DGKI: variants seen among roughly 807,000 people sequenced by gnomAD.
The protein encoded by DGKI is DAG kinase iota.
In DGKI, 55 loss-of-function variants were observed where a neutral mutation model predicts 147.5. The ratio of observed to expected loss-of-function variants is 0.37; its 90% CI spans 0.30 to 0.47. The LOEUF is 0.47. DGKI is among the 20% of genes least tolerant of loss of function. The pLI, the probability that DGKI is intolerant of heterozygous loss-of-function variation, is 1.00. For missense variants in DGKI, 1,007 were observed against 1,323.8 expected, an observed-to-expected ratio of 0.76 and a Z score of 3.71; for synonymous variants, 469 against 477.1, an observed-to-expected ratio of 0.98 and a Z score of 0.22.
chr7:137,510,304 C>A (rs1158096812), intron 21 of DGKI, among the ~76,000 whole-genome samples: 1 of 152,194 alleles, frequency 6.6e-6, no homozygotes, highest in Non-Finnish European at 1.5e-5. Context: ...AGTACTAGTA[C>A]AACAAGATGA....
At chr7:137,411,443 G>C (rs1238497727) in intron 29 of DGKI, among the ~76,000 whole-genome samples, 1 of 152,176 alleles carries the variant, frequency 6.6e-6, no homozygotes, top group Non-Finnish European at 1.5e-5. Flanking sequence ...AATAGGAACA[G>C]TCTTGAGAGC....
At chr7:137,591,877 GA>G (rs1819629861) in intron 12 of DGKI, among the ~76,000 whole-genome samples, 1 of 152,144 alleles carries the variant, frequency 6.6e-6, no homozygotes, top group Non-Finnish European at 1.5e-5. Context: ...GTTGAGCCCT[GA>G]GTTTGCAAAT....
chr7:137,492,422 T>C (rs901514939), intron 21 of DGKI, among the ~76,000 whole-genome samples: 1 of 152,072 alleles, frequency 6.6e-6, no homozygotes, highest in African/African-American at 2.4e-5. Flanking sequence ...ACACAGATGC[T>C]GGGTTTAAGG....
At chr7:137,726,350 C>A (rs529352767) in intron 1 of DGKI, among the ~76,000 whole-genome samples, 2 of 152,170 alleles carry the variant, frequency 1.3e-5, no homozygotes, top group Non-Finnish European at 2.9e-5. Context: ...TGCTTCTGAT[C>A]GATTTCTCCT....
intron 23 of DGKI, among the ~76,000 whole-genome samples, chr7:137,480,532 A>C (rs1486094590): frequency 1.3e-5 from 2 of 152,176 alleles, no homozygotes; most frequent in East Asian, 1.9e-4. Flanking sequence ...AAGAGCAGGC[A>C]TGTAGGAACA....
At chr7:137,609,174 G>A (rs1032515459) in intron 9 of DGKI, 110 bp from the exon 10 acceptor site, 7 of 766,248 alleles carry the variant, frequency 9.1e-6, no homozygotes, top group African/African-American at 1.8e-5. Context: ...TCCCAGGGCT[G>A]ACTCTTAACA....
At chr7:137,778,488 C>T (rs1796428364) in intron 1 of DGKI, among the ~76,000 whole-genome samples, 1 of 151,926 alleles carries the variant, frequency 6.6e-6, no homozygotes, top group Non-Finnish European at 1.5e-5. Flanking sequence ...AGGTGTGTTA[C>T]AGGGAGATGA....
chr7:137,760,073 C>G (rs1481638605), intron 1 of DGKI, among the ~76,000 whole-genome samples: 1 of 152,152 alleles, frequency 6.6e-6, no homozygotes, highest in African/African-American at 2.4e-5. Context: ...CCTCCTAATC[C>G]TCTTCTGTGC....
At chr7:137,472,475 CAT>C (rs1265092523) in intron 23 of DGKI, among the ~76,000 whole-genome samples, 1 of 138,770 alleles carries the variant, frequency 7.2e-6, no homozygotes, top group African/African-American at 2.7e-5. Context: ...GTTATATATA[CAT>C]ATATATTATA....
intron 6 of DGKI, among the ~76,000 whole-genome samples, chr7:137,635,536 C>A (rs1023750870): frequency 2.0e-5 from 3 of 152,166 alleles, no homozygotes; most frequent in African/African-American, 7.2e-5. Context: ...GGATCCTGCA[C>A]AACATTGTGT....
intron 7 of DGKI, 95 bp from the exon 8 acceptor site, chr7:137,620,035 A>G (rs1820689494): frequency 8.0e-6 from 6 of 750,832 alleles, no homozygotes; most frequent in African/African-American, 5.2e-5. Context: ...ACACACACAC[A>G]CACACACACA....
chr7:137,685,240 G>A (rs1297574156), intron 2 of DGKI, among the ~76,000 whole-genome samples: 3 of 152,142 alleles, frequency 2.0e-5, no homozygotes, highest in Non-Finnish European at 4.4e-5. Context: ...TCTTGGGACC[G>A]AAGAAAGTTT....
At chr7:137,518,812 C>T (rs1816866326) in intron 21 of DGKI, among the ~76,000 whole-genome samples, 3 of 151,966 alleles carry the variant, frequency 2.0e-5, no homozygotes, top group African/African-American at 7.2e-5. Flanking sequence ...AGAAATACAA[C>T]AGATTTTTAA....
intron 22 of DGKI, 65 bp downstream of exon 22, chr7:137,487,545 T>C (rs1469218445): frequency 8.1e-6 from 11 of 1,361,726 alleles, no homozygotes; most frequent in Non-Finnish European, 1.2e-5. Context: ...CAAATATATA[T>C]GGCTGGTAAT....
intron 21 of DGKI, among the ~76,000 whole-genome samples, chr7:137,495,299 A>G (rs1219499164): frequency 1.3e-5 from 2 of 151,888 alleles, no homozygotes; most frequent in East Asian, 3.9e-4. Context: ...AATCAGTAAT[A>G]AAAAGCCTAC....
intron 1 of DGKI, among the ~76,000 whole-genome samples, chr7:137,694,092 C>G (rs902276912): frequency 2.6e-5 from 4 of 152,094 alleles, no homozygotes; most frequent in Non-Finnish European, 4.4e-5. Flanking sequence ...GAGGCCGAGG[C>G]GGGCAGATCA....
intron 19 of DGKI, among the ~76,000 whole-genome samples, chr7:137,554,815 A>C (rs1455726763): frequency 6.6e-6 from 1 of 152,112 alleles, no homozygotes; most frequent in Non-Finnish European, 1.5e-5. Context: ...CATGGAGATC[A>C]AGCGCAAGAG....
At chr7:137,782,650 C>G (rs945836347) in intron 1 of DGKI, among the ~76,000 whole-genome samples, 2 of 152,200 alleles carry the variant, frequency 1.3e-5, no homozygotes, top group African/African-American at 4.8e-5. Flanking sequence ...CTGATGCACT[C>G]TTGAAAGCAC....
chr7:137,450,302 T>C (rs1307213570), intron 27 of DGKI, among the ~76,000 whole-genome samples: 3 of 152,236 alleles, frequency 2.0e-5, no homozygotes. Flanking sequence ...CACAATAAAA[T>C]TTATAACTAT....
Sources: gnomAD v4.1 joint callset for allele counts (sites outside exome capture counted in the v4.1 genomes callset) on GRCh38, gnomAD v4.1.1 for gene constraint, MANE v1.5 for transcripts, NCBI Gene and HGNC (gene_info 2026-07-23, HGNC 2026-07-21) for gene names.